The following ARID1B variants were observed in gnomAD, a reference collection of about 807,000 sequenced individuals.
ARID1B encodes the protein AT-rich interaction domain 1B.
In ARID1B, 30 loss-of-function variants were observed where a neutral mutation model predicts 212.3. The observed-to-expected ratio is 0.14, with a 90% confidence interval of 0.11 to 0.19. The LOEUF is 0.19. Ranked by LOEUF, ARID1B falls within the 10% of genes least tolerant of loss-of-function variation. ARID1B has a pLI of 1.00. For missense variants in ARID1B, 2,891 were observed against 3,204.0 expected (o/e 0.90, Z 2.36); for synonymous variants, 1,402 against 1,301.7 (o/e 1.08, Z -1.66).
chr6:157,181,900 A>G (rs977141270), intron 12 of ARID1B, among the ~76,000 whole-genome samples: 3 of 152,202 alleles, frequency 2.0e-5, no homozygotes, highest in African/African-American at 4.8e-5. Flanking sequence ...TTGTCTTTCT[A>G]AATACATGAG....
intron 3 of ARID1B, among the ~76,000 whole-genome samples, chr6:156,906,145 TGAG>T (rs1198041830): frequency 1.3e-5 from 2 of 152,094 alleles, no homozygotes; most frequent in Non-Finnish European, 2.9e-5. Context: ...AGTGGCATCA[TGAG>T]GAGGGGTGGT....
intron 2 of ARID1B, among the ~76,000 whole-genome samples, chr6:156,882,643 T>C (rs887099726): frequency 2.1e-4 from 32 of 152,188 alleles, no homozygotes; most frequent in Non-Finnish European, 2.8e-4. Flanking sequence ...GGCCACATAC[T>C]CTTAGACATT....
chr6:156,864,566 C>T (rs1583180208), intron 2 of ARID1B, among the ~76,000 whole-genome samples: 1 of 152,196 alleles, frequency 6.6e-6, no homozygotes, highest in South Asian at 2.1e-4. Flanking sequence ...CTGTCAGTAA[C>T]AGTAGGTACT....
chr6:157,122,791 G>C (rs1205209017), intron 6 of ARID1B, among the ~76,000 whole-genome samples: 1 of 152,084 alleles, frequency 6.6e-6, no homozygotes, highest in Non-Finnish European at 1.5e-5. Flanking sequence ...TGATTATCCT[G>C]CCTCAGCCTC....
In ARID1B at chr6:156,934,415, CT is replaced by C. The variant is rs148434051; in HGVS notation, c.2137-1049del. On this transcript the variant is annotated intron_variant, in intron 3 of 19. Transcript: ENST00000636930. Reference sequence around the variant, plus strand: ...AATGCTGAAACCATGCAGAATACCTCTTGGAAGAGTGTTTGACAAGATGCCA... The same window carrying C: ...AATGCTGAAACCATGCAGAATACCTCTGGAAGAGTGTTTGACAAGATGCCA... 5.7e-3 allele frequency among the ~76,000 whole-genome samples: 860 copies of C among 152,186 alleles called. 8 individuals carry two copies. The highest frequency in any genetic ancestry group is 0.018 in the African/African-American group (740 of 41,520).
At chr6:157,173,930 C>G in intron 9 of ARID1B, 78 bp from the exon 10 acceptor site, 1 of 1,280,172 alleles carries the variant, frequency 7.8e-7, no homozygotes, top group Non-Finnish European at 1.1e-6. Context: ...CTGCTTCACT[C>G]TGTAACTTGT....
chr6:157,087,433 A>T (rs952734863), intron 5 of ARID1B, among the ~76,000 whole-genome samples: 2 of 152,194 alleles, frequency 1.3e-5, no homozygotes. Flanking sequence ...TCTGTGCCTC[A>T]GTTTCTGCAT....
intron 1 of ARID1B, among the ~76,000 whole-genome samples, chr6:156,816,993 G>A (rs1782008507): frequency 6.6e-6 from 1 of 151,830 alleles, no homozygotes; most frequent in South Asian, 2.1e-4. Flanking sequence ...AGCATAATCA[G>A]AAGGTCTGGC....
At chr6:157,001,312 C>T (rs1037347567) in intron 4 of ARID1B, among the ~76,000 whole-genome samples, 7 of 152,140 alleles carry the variant, frequency 4.6e-5, no homozygotes, top group Admixed American at 2.6e-4. Flanking sequence ...GTAGTGGAGC[C>T]GAGATCGAAT....
intron 6 of ARID1B, among the ~76,000 whole-genome samples, chr6:157,129,839 C>T (rs540404846): frequency 3.5e-4 from 54 of 152,272 alleles, no homozygotes; most frequent in Non-Finnish European, 5.0e-4. Context: ...AACCTTAAGC[C>T]TATAATGAGT....
At chr6:157,030,185 G>C (rs1027444024) in intron 4 of ARID1B, 1 of 152,760 alleles carries the variant, frequency 6.5e-6, no homozygotes, top group Non-Finnish European at 1.5e-5. Context: ...TGCTTCTCGG[G>C]CTCTTGGCTT....
intron 2 of ARID1B, among the ~76,000 whole-genome samples, chr6:156,877,432 G>T (rs959790125): frequency 2.0e-5 from 3 of 152,128 alleles, no homozygotes; most frequent in African/African-American, 7.2e-5. Context: ...CCCCTCTCCT[G>T]TTTCCTTCAG....
rs556939212 is a variant in ARID1B at position 157,133,084 on chromosome 6, A to G, written c.2638A>G (p.Thr880Ala). The G allele has an allele frequency of 8.7e-6, 14 of 1,614,166 alleles. No homozygotes were observed. In the South Asian group the frequency reaches 1.4e-4, roughly 16 times the overall value. ...GATGGCTCAGTATGGACCTCAACAGACAGGACCATCCATGTCGCCTCATCC... is the reference window on the plus strand; with the variant it reads ...GATGGCTCAGTATGGACCTCAACAGGCAGGACCATCCATGTCGCCTCATCC... ...PQMAQYGPQQ[T>A]GPSMSPHPSP... Residue 880 changes from threonine to alanine, a missense_variant, in exon 7 of 20, where the codon ACA becomes GCA. By Grantham distance (58) the Thr-to-Ala change is moderately conservative. Transcript: ENST00000636930.
Position 156,829,260 on chromosome 6 carries a change from C to T in ARID1B, c.1825C>T (p.Pro609Ser), listed in dbSNP as rs767293145. Residue 609 changes from proline (P) to serine (S), a missense_variant, in exon 2 of 20, where the codon CCT (proline) becomes TCT (serine). Physicochemically the swap from Pro to Ser is moderately conservative, Grantham distance 74. Around this residue, in one of 7 missense-constraint regions of ARID1B, gnomAD observed 1,643 missense variants for 1,544.0 expected, o/e 1.06. Coordinates refer to ENST00000636930, the MANE Select transcript of ARID1B (RefSeq NM_001374828.1). Reference sequence around the variant, plus strand: ...AATGGATCCAATGGTGATGAAGAGACCTCAGTTGTATGGCATGGGCAGTAA... The same window carrying T: ...AATGGATCCAATGGTGATGAAGAGATCTCAGTTGTATGGCATGGGCAGTAA... ...SPMDPMVMKRPQLYGMGSNPH... is the reference protein window; with the variant it reads ...SPMDPMVMKRSQLYGMGSNPH... 5 of 1,614,076 alleles carry T rather than the reference C, an allele frequency of 3.1e-6. No homozygotes were observed. The highest frequency in any genetic ancestry group is 3.3e-5 in the Admixed American group (2 of 60,008).
intron 4 of ARID1B, among the ~76,000 whole-genome samples, chr6:157,010,725 A>T (rs892387431): frequency 2.0e-5 from 3 of 151,690 alleles, no homozygotes; most frequent in Non-Finnish European, 4.4e-5. Context: ...AACTTGTGTC[A>T]ATTTATCTAA....
rs1182398099 is a variant in ARID1B at position 157,198,803 on chromosome 6, C to T, written c.4383-8C>T. The T allele has an allele frequency of 4.4e-6, 7 of 1,604,024 alleles. No individual in the cohort carries two copies. The highest frequency in any genetic ancestry group is 3.4e-5 in the Admixed American group (2 of 59,098). ...TCAGTTAAGTTTTCTTTGAATGCCT[C>T]ATTCCAGGCATGAACCTTATGGGCA... is the stretch of plus-strand genomic sequence containing the variant. On this transcript the variant is annotated splice_polypyrimidine_tract_variant and splice_region_variant and intron_variant, in intron 16 of 19. Transcript: ENST00000636930.
chr6:156,854,585 C>T (rs1362453227), intron 2 of ARID1B, among the ~76,000 whole-genome samples: 1 of 152,222 alleles, frequency 6.6e-6, no homozygotes, highest in Non-Finnish European at 1.5e-5. Flanking sequence ...ACAAAATTGT[C>T]TCAGGACTGA....
chr6:156,846,317 G>T (rs1784228375), intron 2 of ARID1B, among the ~76,000 whole-genome samples: 1 of 125,384 alleles, frequency 8.0e-6, no homozygotes, highest in East Asian at 2.1e-4. Flanking sequence ...ACCACACCTG[G>T]CTAATATTTT....
Position 157,066,210 on chromosome 6 carries a change from A to G in ARID1B, c.2248-18452A>G, listed in dbSNP as rs1583245087. Among the ~76,000 whole-genome samples, 6 of 152,388 alleles carry G rather than the reference A, an allele frequency of 3.9e-5. 1 individual carries two copies. The highest frequency in any genetic ancestry group is 3.9e-4 in the Admixed American group (6 of 15,306). ...TGTCAATATCAGTTTTTACTGTTTC[A>G]TATAGTAACTAAAAGAAATTTTAGA... On this transcript the variant is annotated intron_variant, in intron 4 of 19. Coordinates refer to ENST00000636930, the MANE Select transcript of ARID1B (RefSeq NM_001374828.1).
Sources: gnomAD v4.1 joint callset for allele counts (sites outside exome capture counted in the v4.1 genomes callset) on GRCh38, gnomAD v4.1.1 for gene constraint, gnomAD v4.1.1 regional missense constraint, MANE v1.5 for transcripts, NCBI Gene and HGNC (gene_info 2026-07-23, HGNC 2026-07-21) for gene names.